ZBTB41: variants seen among roughly 807,000 people sequenced by gnomAD.
The protein encoded by ZBTB41 is zinc finger and BTB domain containing 41.
ZBTB41 carries 42 observed loss-of-function variants against 87.6 expected under a neutral mutation model. The observed-to-expected ratio is 0.48, with a 90% confidence interval of 0.37 to 0.62. The LOEUF is 0.62. Ranked by LOEUF, ZBTB41 falls within the 20% of genes least tolerant of loss-of-function variation. ZBTB41 has a pLI of 0.00. For synonymous variants in ZBTB41, 364 were observed against 364.0 expected (o/e 1.00, Z 0.00); for missense variants, 799 against 1,078.9 (o/e 0.74, Z 3.63).
chr1:197,191,230 C>T lies in ZBTB41; in HGVS notation c.1329-399G>A, dbSNP rs148827350. Among the ~76,000 whole-genome samples, 1,198 of 151,890 alleles carry T rather than the reference C, an allele frequency of 7.9e-3. 10 individuals carry two copies. The highest frequency in any genetic ancestry group is 0.026 in the African/African-American group (1,083 of 41,432). On this transcript the variant is annotated intron_variant, in intron 3 of 10. Coordinates refer to ENST00000367405, the MANE Select transcript of ZBTB41 (RefSeq NM_194314.3). ...ATCCCAGCACTTTGGGAGGTCAAGG[C>T]GGGCAGATCACTTGAGCCTAGGAGT...
intron 7 of ZBTB41, among the ~76,000 whole-genome samples, chr1:197,177,664 T>C (rs1320421376): frequency 1.3e-5 from 2 of 152,094 alleles, no homozygotes; most frequent in Non-Finnish European, 2.9e-5. Context: ...AAGGCTCAGA[T>C]TATTAAGATT....
rs1659126085 is a variant in ZBTB41, at chr1:197,158,558, T to C, written c.*801A>G. ...AACATTTCTGAAATAAATAGTAAAG[T>C]ACAAAAGGTGAACTTACCTTGAAAA... is the stretch of plus-strand genomic sequence containing the variant. On this transcript the variant is annotated 3_prime_UTR_variant, in exon 11 of 11. Transcript: ENST00000367405. 1 of 152,374 alleles carries C rather than the reference T, an allele frequency of 6.6e-6. No homozygotes were observed. Among genetic ancestry groups the C allele is most frequent in the Non-Finnish European group, 1.5e-5 (1 of 67,932 alleles). 9.4% of individuals were successfully genotyped at this position (152,374 alleles called of 1,614,324 possible).
At chr1:197,192,011 T>C in intron 2 of ZBTB41, 112 bp from the exon 3 acceptor site, 2 of 728,588 alleles carry the variant, frequency 2.7e-6, no homozygotes, top group Non-Finnish European at 3.9e-6. Context: ...CACATCCAAA[T>C]CCACACACAA....
At chr1:197,200,866 C>T in intron 1 of ZBTB41, among the ~76,000 whole-genome samples, 1 of 152,194 alleles carries the variant, frequency 6.6e-6, no homozygotes, top group East Asian at 1.9e-4. Flanking sequence ...GGGGAGAGAT[C>T]TTCCAAGATC....
intron 3 of ZBTB41, 130 bp from the exon 4 acceptor site, chr1:197,190,961 A>C: frequency 1.8e-6 from 1 of 557,834 alleles, no homozygotes; most frequent in Middle Eastern, 2.8e-4. Context: ...AAGTAGGCAT[A>C]GATGAGCTCT....
Position 197,181,119 on chromosome 1 carries a change from T to TA in ZBTB41, c.1547-3dup. On this transcript the variant is annotated splice_region_variant and splice_polypyrimidine_tract_variant and intron_variant, in intron 5 of 10. Coordinates refer to ENST00000367405, the MANE Select transcript of ZBTB41 (RefSeq NM_194314.3). ...CACATATATCACATGGAAAAGGACCTAAAAAGGAAAAAAAAAAAGTGTGCA... is the reference window on the plus strand; with the variant it reads ...CACATATATCACATGGAAAAGGACCTAAAAAAGGAAAAAAAAAAAGTGTGCA... 3.8e-6 allele frequency: 6 copies of TA among 1,559,442 alleles called. No homozygotes were observed. Among genetic ancestry groups the TA allele is most frequent in the Non-Finnish European group, 5.2e-6 (6 of 1,164,698 alleles).
intron 5 of ZBTB41, 48 bp downstream of exon 5, chr1:197,188,244 G>A (rs1271795164): frequency 6.3e-7 from 1 of 1,597,734 alleles, no homozygotes; most frequent in South Asian, 1.1e-5. Flanking sequence ...AGCATGATGT[G>A]ATAATTAAAA....
chr1:197,156,325 T>A lies in ZBTB41; in HGVS notation c.*3034A>T, dbSNP rs933360931. Reference sequence around the variant, plus strand: ...ACTATTTAATACCTACTAAAAATCTTTGGTGCATTTAAGTCAAAACCCATT... The same window carrying A: ...ACTATTTAATACCTACTAAAAATCTATGGTGCATTTAAGTCAAAACCCATT... On this transcript the variant is annotated 3_prime_UTR_variant, in exon 11 of 11. Transcript: ENST00000367405. The A allele has an allele frequency of 6.6e-6, 1 of 152,212 alleles. No individual in the cohort carries two copies. The highest frequency in any genetic ancestry group is 1.5e-5 in the Non-Finnish European group (1 of 67,736). The allele number at this position is 152,212 out of a possible 1,614,324, so 9.4% of individuals were successfully genotyped here. A position where few individuals can be genotyped will look rare whatever the true frequency, so the allele number is the denominator to read the frequency against.
Position 197,159,986 on chromosome 1 carries a change from G to A in ZBTB41, c.2103C>T (p.Cys701=). Residue 701 remains cysteine, a synonymous_variant, in exon 11 of 11, where the codon TGC becomes TGT. Transcript: ENST00000367405. ...SGEKPYKCQI[C]NQSFRIKKTL... is the part of the protein sequence containing the mutation. The stretch of plus-strand genomic sequence containing the variant: ...TTTTCTTAATTCTAAAAGACTGATT[G>A]CAAATTTGACACTTGTATGGTTTTT... The A allele has an allele frequency of 6.2e-7, 1 of 1,612,882 alleles. No individual in the cohort carries two copies.
chr1:197,159,074 A>T lies in ZBTB41; in HGVS notation c.*285T>A. 3.2e-6 allele frequency: 1 copy of T among 309,298 alleles called. No homozygotes were observed. Among genetic ancestry groups the T allele is most frequent in the Non-Finnish European group, 6.0e-6 (1 of 167,986 alleles). The allele number at this position is 309,298 out of a possible 1,614,324, so 19.2% of individuals were successfully genotyped here. On this transcript the variant is annotated 3_prime_UTR_variant, in exon 11 of 11. Transcript: ENST00000367405. ...TGATGATTAAAAAAAATACTTCCAT[A>T]ATATCAGCAGCTAATAATTGCAAAA...
At chr1:197,191,574 C>G (rs1326798220) in intron 3 of ZBTB41, 118 bp downstream of exon 3, 1 of 765,142 alleles carries the variant, frequency 1.3e-6, no homozygotes, top group Non-Finnish European at 1.9e-6. Flanking sequence ...AATACTGTAT[C>G]TCAATGAATC....
In ZBTB41 at chr1:197,172,377, T is replaced by C. The variant is rs148056017; in HGVS notation, c.1986-129A>G. 225 of 250,966 alleles carry C rather than the reference T, an allele frequency of 9.0e-4. 1 individual carries two copies. In the East Asian group the frequency reaches 0.018, roughly 20 times the overall value. The allele number at this position is 250,966 out of a possible 1,614,324, so 15.5% of individuals were successfully genotyped here. A position where few individuals can be genotyped will look rare whatever the true frequency, so the allele number is the denominator to read the frequency against. On this transcript the variant is annotated intron_variant, in intron 9 of 10. Coordinates refer to ENST00000367405, the MANE Select transcript of ZBTB41 (RefSeq NM_194314.3). ...TTGCAACTTCATTTACAACTGTGTA[T>C]ATAATTCTCACATTAACAAAGTATA...
chr1:197,159,639 A>G lies in ZBTB41; in HGVS notation c.2450T>C (p.Met817Thr), dbSNP rs1398616114. ...CACTAGGTCACTCGGAGTGTCAGGC[A>G]TCTGAACTGGAACCAGAGTTACTGG... is the stretch of plus-strand genomic sequence containing the variant. ...CVPVTLVPVQMPDTPSDLVRH... is the reference protein window; with the variant it reads ...CVPVTLVPVQTPDTPSDLVRH... Residue 817 changes from methionine (M) to threonine (T), a missense_variant, in exon 11 of 11, where the codon ATG becomes ACG. Met to Thr is a moderately conservative substitution (Grantham distance 81). This residue lies in a region of ZBTB41 where 171 missense variants were observed against 191.9 expected (regional missense o/e 0.89). Transcript: ENST00000367405. The G allele has an allele frequency of 1.2e-6, 2 of 1,613,942 alleles. No individual in the cohort carries two copies. Among genetic ancestry groups the G allele is most frequent in the Non-Finnish European group, 8.5e-7 (1 of 1,179,944 alleles).
chr1:197,185,067 G>GC lies in ZBTB41; in HGVS notation c.1546+3224dup, dbSNP rs571729750. Among the ~76,000 whole-genome samples the GC allele has an allele frequency of 2.7e-3, 413 of 152,234 alleles. 2 individuals are homozygous for GC. The highest frequency in any genetic ancestry group is 4.6e-3 in the Non-Finnish European group (312 of 68,022). On this transcript the variant is annotated intron_variant, in intron 5 of 10. Transcript: ENST00000367405. Reference sequence around the variant, plus strand: ...GACCTCAGGTGATCTGCCAGCTTTGGCCTCCCAAAGTGCTGGCATTACAGG... The same window carrying GC: ...GACCTCAGGTGATCTGCCAGCTTTGGCCCTCCCAAAGTGCTGGCATTACAGG...
chr1:197,176,901 A>T (rs534431719), intron 7 of ZBTB41, among the ~76,000 whole-genome samples: 1 of 152,234 alleles, frequency 6.6e-6, no homozygotes, highest in African/African-American at 2.4e-5. Context: ...TATATGCTCA[A>T]ACCACTTCTC....
chr1:197,190,865 A>G (rs1183552108), intron 3 of ZBTB41, 34 bp from the exon 4 acceptor site: 2 of 1,351,744 alleles, frequency 1.5e-6, no homozygotes, highest in African/African-American at 2.9e-5. Context: ...TATTAGGAAA[A>G]GGTTATATTA....
chr1:197,198,505 T>C (rs1660222204), intron 2 of ZBTB41, among the ~76,000 whole-genome samples: 1 of 152,176 alleles, frequency 6.6e-6, no homozygotes, highest in South Asian at 2.1e-4. Flanking sequence ...TTTATCATTA[T>C]ATGTGGTAGA....
chr1:197,161,214 A>C (rs1216231087), intron 10 of ZBTB41, among the ~76,000 whole-genome samples: 1 of 152,110 alleles, frequency 6.6e-6, no homozygotes, highest in African/African-American at 2.4e-5. Context: ...AAACCACCAA[A>C]TTTGTGGTGG....
intron 2 of ZBTB41, 31 bp downstream of exon 2, chr1:197,199,323 T>C (rs1444956216): frequency 1.0e-5 from 15 of 1,469,154 alleles, no homozygotes; most frequent in Non-Finnish European, 1.3e-5. Flanking sequence ...AGTAAGTGAT[T>C]AGAGATAGAA....
Sources: gnomAD v4.1 joint callset for allele counts (sites outside exome capture counted in the v4.1 genomes callset) on GRCh38, gnomAD v4.1.1 for gene constraint, gnomAD v4.1.1 regional missense constraint, MANE v1.5 for transcripts, NCBI Gene and HGNC (gene_info 2026-07-23, HGNC 2026-07-21) for gene names.